The following MBOAT1 variants were observed in gnomAD, a reference collection of about 807,000 sequenced individuals.
MBOAT1 encodes membrane-bound glycerophospholipid O-acyltransferase 1.
A neutral mutation model predicts 64.4 loss-of-function variants in MBOAT1; 67 were observed. That is an observed-to-expected ratio of 1.04 (90% CI 0.85 to 1.27). The LOEUF is 1.27. MBOAT1 is among the 50% of genes most tolerant of loss of function. The probability of loss-of-function intolerance (pLI) is 0.00; values close to 1 mark genes in which losing one functional copy is unlikely to be tolerated. For missense variants in MBOAT1, 563 were observed against 604.6 expected, an observed-to-expected ratio of 0.93 and a Z score of 0.72; for synonymous variants, 229 against 218.9, an observed-to-expected ratio of 1.05 and a Z score of -0.41.
chr6:20,104,442 A>C (rs948272667), intron 12 of MBOAT1, among the ~76,000 whole-genome samples: 6 of 152,262 alleles, frequency 3.9e-5, no homozygotes, highest in African/African-American at 1.4e-4. Flanking sequence ...CTAATAAAAA[A>C]AACAAGTTTT....
chr6:20,162,067 C>T (rs925511912), intron 1 of MBOAT1, among the ~76,000 whole-genome samples: 4 of 152,076 alleles, frequency 2.6e-5, no homozygotes, highest in African/African-American at 9.7e-5. Context: ...TACAAGGATA[C>T]CGGTCATGTT....
chr6:20,160,692 C>T (rs1761826482), intron 1 of MBOAT1, among the ~76,000 whole-genome samples: 1 of 152,196 alleles, frequency 6.6e-6, no homozygotes, highest in African/African-American at 2.4e-5. Context: ...AAACAGTACT[C>T]TTTTGCATTG....
chr6:20,125,845 A>G (rs1265597230), intron 7 of MBOAT1: 6 of 427,046 alleles, frequency 1.4e-5, no homozygotes, highest in Admixed American at 3.0e-5. Flanking sequence ...TTTAACTTGA[A>G]TTATCCTCAT....
At chr6:20,207,223 G>T (rs551396196) in intron 1 of MBOAT1, among the ~76,000 whole-genome samples, 1 of 152,070 alleles carries the variant, frequency 6.6e-6, no homozygotes, top group Non-Finnish European at 1.5e-5. Context: ...GCACTCATCC[G>T]CAAAACCCTT....
At chr6:20,160,104 A>G (rs1001222448) in intron 1 of MBOAT1, among the ~76,000 whole-genome samples, 1 of 152,238 alleles carries the variant, frequency 6.6e-6, no homozygotes, top group Admixed American at 6.5e-5. Flanking sequence ...GTCGCCGCAA[A>G]GAAATAAAAC....
intron 12 of MBOAT1, among the ~76,000 whole-genome samples, chr6:20,105,848 C>T (rs1759941383): frequency 6.6e-6 from 1 of 152,150 alleles, no homozygotes; most frequent in African/African-American, 2.4e-5. Context: ...TTATCCAATT[C>T]AAGACAAAAT....
intron 6 of MBOAT1, among the ~76,000 whole-genome samples, chr6:20,127,555 G>A (rs748030866): frequency 1.3e-5 from 2 of 152,052 alleles, no homozygotes; most frequent in Admixed American, 6.6e-5. Context: ...GATCAGCAGC[G>A]GCATTAGATT....
intron 9 of MBOAT1, among the ~76,000 whole-genome samples, chr6:20,117,077 T>C (rs969114664): frequency 3.3e-5 from 5 of 152,236 alleles, no homozygotes; most frequent in African/African-American, 9.6e-5. Context: ...AGCTGGACCT[T>C]GTCCACTTAC....
rs964972470 is a variant in MBOAT1 at position 20,179,700 on chromosome 6, G to A, written c.100-26931C>T. 3.3e-5 allele frequency among the ~76,000 whole-genome samples: 5 copies of A among 152,170 alleles called. No individual in the cohort carries two copies. In the South Asian group the frequency reaches 6.2e-4, roughly 19 times the overall value. On this transcript the variant is annotated intron_variant, in intron 1 of 12. Coordinates refer to ENST00000324607, the MANE Select transcript of MBOAT1 (RefSeq NM_001080480.3). ...CAGTAATGGGATTGCTGGGTCAAAC[G>A]GTATTTTTGCTCCTAGGTCTTTGAG... is the stretch of plus-strand genomic sequence containing the variant.
intron 8 of MBOAT1, 76 bp downstream of exon 8, chr6:20,124,332 A>G: frequency 6.8e-7 from 1 of 1,467,528 alleles, no homozygotes. Context: ...AAGTGATCCA[A>G]AACGTCGTTC....
chr6:20,193,690 T>G (rs1372619821), intron 1 of MBOAT1, among the ~76,000 whole-genome samples: 3 of 147,936 alleles, frequency 2.0e-5, no homozygotes, highest in Non-Finnish European at 4.5e-5. Context: ...CACTGCAACC[T>G]CTGCCTCCCG....
At chr6:20,107,519 T>C (rs956613927) in intron 12 of MBOAT1, among the ~76,000 whole-genome samples, 4 of 152,150 alleles carry the variant, frequency 2.6e-5, no homozygotes, top group African/African-American at 9.7e-5. Context: ...TAAAACTCTA[T>C]ACCATTCACT....
chr6:20,169,426 G>T (rs745502157), intron 1 of MBOAT1, among the ~76,000 whole-genome samples: 7 of 152,170 alleles, frequency 4.6e-5, no homozygotes, highest in Non-Finnish European at 7.4e-5. Flanking sequence ...GGGACCCAAA[G>T]TTTGGTGACC....
At chr6:20,128,582 A>T (rs1052263725) in intron 6 of MBOAT1, 117 bp downstream of exon 6, 4 of 721,882 alleles carry the variant, frequency 5.5e-6, no homozygotes, top group Non-Finnish European at 8.7e-6. Flanking sequence ...CAGATTCATA[A>T]AATAAATGAT....
At chr6:20,185,704 G>A (rs1379484086) in intron 1 of MBOAT1, among the ~76,000 whole-genome samples, 1 of 152,124 alleles carries the variant, frequency 6.6e-6, no homozygotes, top group African/African-American at 2.4e-5. Context: ...CCAACATATG[G>A]CAACAAAAAT....
At chr6:20,164,382 G>A in intron 1 of MBOAT1, among the ~76,000 whole-genome samples, 1 of 152,060 alleles carries the variant, frequency 6.6e-6, no homozygotes. Context: ...CCAGATTGTG[G>A]TGGGCACTAA....
chr6:20,160,875 A>T (rs1761833550), intron 1 of MBOAT1, among the ~76,000 whole-genome samples: 1 of 152,212 alleles, frequency 6.6e-6, no homozygotes, highest in Non-Finnish European at 1.5e-5. Context: ...GTATTTTTAA[A>T]TCTCTAAAGA....
Position 20,123,895 on chromosome 6 carries a change from A to G in MBOAT1, c.907+513T>C, listed in dbSNP as rs529701248. On this transcript the variant is annotated intron_variant, in intron 8 of 12. Coordinates refer to ENST00000324607, the MANE Select transcript of MBOAT1 (RefSeq NM_001080480.3). ...CACTGTGAAACCCCATCTCTACTAA[A>G]AATACAAAAAAAATTAGCTGGGTGT... Among the ~76,000 whole-genome samples the G allele has an allele frequency of 4.2e-3, 635 of 150,464 alleles. 2 individuals are homozygous for G. The highest frequency in any genetic ancestry group is 6.9e-3 in the Non-Finnish European group (463 of 67,362).
chr6:20,169,212 A>G (rs752102180), intron 1 of MBOAT1, among the ~76,000 whole-genome samples: 1 of 152,218 alleles, frequency 6.6e-6, no homozygotes, highest in Non-Finnish European at 1.5e-5. Flanking sequence ...ATGCAGAACC[A>G]GGGCTATATT....
Sources: gnomAD v4.1 joint callset for allele counts (sites outside exome capture counted in the v4.1 genomes callset) on GRCh38, gnomAD v4.1.1 for gene constraint, MANE v1.5 for transcripts, NCBI Gene and HGNC (gene_info 2026-07-23, HGNC 2026-07-21) for gene names.